Variants in BIRC6 observed in about 807,000 individuals in gnomAD.
BIRC6 encodes the protein dual E2 ubiquitin-conjugating enzyme/E3 ubiquitin-protein ligase BIRC6.
Under a neutral mutation model 503.3 loss-of-function variants are expected in BIRC6, and 98 were observed. The observed-to-expected ratio is 0.19, with a 90% CI of 0.17 to 0.23. The LOEUF is 0.23. Ranked by LOEUF, BIRC6 falls within the 10% of genes least tolerant of loss-of-function variation. The probability of loss-of-function intolerance (pLI) is 1.00; values close to 1 mark genes in which losing one functional copy is unlikely to be tolerated. For synonymous variants in BIRC6, 2,240 were observed against 2,078.7 expected (o/e 1.08, Z -2.11); for missense variants, 5,360 against 5,806.0 (o/e 0.92, Z 2.50).
At chr2:32,428,077 T>G (rs901876442) in intron 10 of BIRC6, among the ~76,000 whole-genome samples, 4 of 152,218 alleles carry the variant, frequency 2.6e-5, no homozygotes, top group African/African-American at 9.7e-5. Flanking sequence ...ATTGATAGGT[T>G]TGGTGTCCAA....
At chr2:32,455,609 A>G (rs907486758) in intron 23 of BIRC6, among the ~76,000 whole-genome samples, 10 of 152,244 alleles carry the variant, frequency 6.6e-5, no homozygotes, top group South Asian at 2.1e-4. Flanking sequence ...CCTGGGTGAC[A>G]GAGTGAGACT....
intron 60 of BIRC6, 48 bp from the exon 61 acceptor site, chr2:32,531,307 A>G: frequency 4.1e-6 from 6 of 1,455,010 alleles, no homozygotes; most frequent in Non-Finnish European, 5.6e-6. Flanking sequence ...AATATTATAA[A>G]AATATACCCT....
intron 65 of BIRC6, chr2:32,563,962 C>G (rs985081916): frequency 1.3e-5 from 2 of 152,234 alleles, no homozygotes; most frequent in African/African-American, 4.8e-5. Flanking sequence ...CCTGTAATCC[C>G]AGCTACTTGG....
intron 65 of BIRC6, among the ~76,000 whole-genome samples, chr2:32,561,759 A>G (rs1422502868): frequency 7.0e-5 from 1 of 14,280 alleles, no homozygotes; most frequent in African/African-American, 3.4e-4. Context: ...TTATTTCTAG[A>G]TTTTGCTGGG....
rs1177323343 is a variant in BIRC6 at position 32,502,777 on chromosome 2, G to T, written c.9208-18G>T. Reference sequence around the variant, plus strand: ...ACAGGAATATATAAAGTCATAATATGCATATTTCATTTTTTAGGGCTCTCT... The same window carrying T: ...ACAGGAATATATAAAGTCATAATATTCATATTTCATTTTTTAGGGCTCTCT... On this transcript the variant is annotated intron_variant, in intron 47 of 73. Transcript: ENST00000421745. The T allele has an allele frequency of 5.8e-6, 9 of 1,564,296 alleles. No individual in the cohort carries two copies. In the African/African-American group the frequency reaches 6.8e-5, roughly 12 times the overall value.
In BIRC6 at chr2:32,416,152, C is replaced by T. The variant is rs368940343; in HGVS notation, c.2861C>T (p.Ala954Val). The T allele has an allele frequency of 1.9e-6, 3 of 1,594,978 alleles. No homozygotes were observed. Among genetic ancestry groups the T allele is most frequent in the Non-Finnish European group, 2.6e-6 (3 of 1,170,742 alleles). The change falls in exon 10 of 74, where the codon GCA becomes GTA. Residue 954 changes from alanine to valine, a missense_variant. Transcript: ENST00000421745. ...IYCSGTDRLC[A>V]CTKGGELHFL... is the part of the protein sequence containing the mutation. Reference sequence around the variant, plus strand: ...TGTTCTGGCACAGACAGGCTGTGTGCATGCACCAAAGGTAAGTTGTCTGAT... The same window carrying T: ...TGTTCTGGCACAGACAGGCTGTGTGTATGCACCAAAGGTAAGTTGTCTGAT...
chr2:32,427,739 G>GGT (rs367894620), intron 10 of BIRC6, among the ~76,000 whole-genome samples: 2,315 of 150,546 alleles, frequency 0.015, 41 homozygotes, highest in African/African-American at 0.047. Flanking sequence ...GACATTTTCA[G>GGT]GTGTGTGTGT....
At chr2:32,417,515 C>T (rs1302296034) in intron 10 of BIRC6, among the ~76,000 whole-genome samples, 1 of 152,044 alleles carries the variant, frequency 6.6e-6, no homozygotes, top group Non-Finnish European at 1.5e-5. Context: ...CTGACAATAT[C>T]AGGCAAAATG....
At chr2:32,520,893 C>T (rs1572780397) in intron 57 of BIRC6, among the ~76,000 whole-genome samples, 1 of 152,286 alleles carries the variant, frequency 6.6e-6, no homozygotes, top group Non-Finnish European at 1.5e-5. Flanking sequence ...ATTGATATTT[C>T]ATATGTTTAA....
At position 32,548,297 on chromosome 2, in the gene BIRC6, T is replaced by C. The variant is rs35368580; in HGVS notation, c.12975+283T>C. 3.6e-3 allele frequency among the ~76,000 whole-genome samples: 541 copies of C among 148,500 alleles called. 2 individuals carry two copies. Among genetic ancestry groups the C allele is most frequent in the Non-Finnish European group, 5.6e-3 (375 of 67,286 alleles). ...ATCTTCCTACAGGCATTTTCTTGTTTAATGTGTTGTATCTGGCCTTTTTTT... is the reference window on the plus strand; with the variant it reads ...ATCTTCCTACAGGCATTTTCTTGTTCAATGTGTTGTATCTGGCCTTTTTTT... On this transcript the variant is annotated intron_variant, in intron 64 of 73. Transcript: ENST00000421745.
Position 32,617,744 on chromosome 2 carries a change from G to T in BIRC6, c.14414G>T (p.Arg4805Leu), listed in dbSNP as rs778912553. The change falls in exon 74 of 74, where the codon CGC becomes CTC. Residue 4805 changes from arginine to leucine, a missense_variant. By Grantham distance (102) the Arg-to-Leu change is moderately radical. Transcript: ENST00000421745. ...AALKRHTAQL[R>L]EELLKLPCPE... ...GCATAGCGTCACACTGCTCAGCTCC[G>T]CGAAGAGTTGCTGAAACTTCCCTGC... 8 of 1,613,750 alleles carry T rather than the reference G, an allele frequency of 5.0e-6. No individual in the cohort carries two copies. The highest frequency in any genetic ancestry group is 2.2e-5 in the East Asian group (1 of 44,892).
chr2:32,601,976 A>G (rs2062091870), intron 70 of BIRC6, among the ~76,000 whole-genome samples: 1 of 152,218 alleles, frequency 6.6e-6, no homozygotes, highest in Non-Finnish European at 1.5e-5. Context: ...GCTATTTTGC[A>G]TTTTCAGAAT....
chr2:32,409,557 C>T lies in BIRC6; in HGVS notation c.1477+3000C>T, dbSNP rs147851995. ...GGTTTGAAGATATCTAAGAGGACTG[C>T]ATAGGGAAAAGTTTGGTATTTGAAC... On this transcript the variant is annotated intron_variant, in intron 9 of 73. Transcript: ENST00000421745. Among the ~76,000 whole-genome samples, 969 of 152,208 alleles carry T rather than the reference C, an allele frequency of 6.4e-3. 17 individuals carry two copies. Among genetic ancestry groups the T allele is most frequent in the Middle Eastern group, 0.048 (14 of 294 alleles).
At chr2:32,430,431 T>A (rs1476936053) in intron 11 of BIRC6, among the ~76,000 whole-genome samples, 1 of 152,202 alleles carries the variant, frequency 6.6e-6, no homozygotes, top group African/African-American at 2.4e-5. Context: ...ACTGTTTTAG[T>A]GTTTTATTCA....
At chr2:32,442,584 A>T (rs190079752) in intron 19 of BIRC6, 129 bp downstream of exon 19, 5 of 1,130,806 alleles carry the variant, frequency 4.4e-6, no homozygotes, top group East Asian at 2.8e-5. Context: ...TCAAAAGTTG[A>T]TGAAGATTGT....
chr2:32,483,084 T>C (rs903522352), intron 39 of BIRC6, among the ~76,000 whole-genome samples: 2 of 68,696 alleles, frequency 2.9e-5, no homozygotes, highest in Admixed American at 1.8e-4. Context: ...AGCCCAGCTA[T>C]TTTTTGTATT....
At chr2:32,438,568 T>TC (rs1411928586) in intron 15 of BIRC6, among the ~76,000 whole-genome samples, 1 of 149,976 alleles carries the variant, frequency 6.7e-6, no homozygotes, top group Non-Finnish European at 1.5e-5. Flanking sequence ...CTTTTTTTTT[T>TC]TTTTTTTTTG....
At chr2:32,367,729 T>C (rs2035168736) in intron 1 of BIRC6, among the ~76,000 whole-genome samples, 1 of 152,034 alleles carries the variant, frequency 6.6e-6, no homozygotes, top group South Asian at 2.1e-4. Flanking sequence ...GGCAGGAGAA[T>C]CGCTGGAACC....
At chr2:32,501,962 AAGAT>A in intron 47 of BIRC6, 74 bp downstream of exon 47, 1 of 1,322,102 alleles carries the variant, frequency 7.6e-7, no homozygotes, top group Non-Finnish European at 1.0e-6. Flanking sequence ...TTACAGGACA[AAGAT>A]AAATAAGTAT....
Sources: gnomAD v4.1 joint callset for allele counts (sites outside exome capture counted in the v4.1 genomes callset) on GRCh38, gnomAD v4.1.1 for gene constraint, MANE v1.5 for transcripts, NCBI Gene and HGNC (gene_info 2026-07-23, HGNC 2026-07-21) for gene names.